The following C3orf70 variants were observed in gnomAD, a reference collection of about 807,000 sequenced individuals.
C3orf70 encodes the protein UPF0524 protein C3orf70.
In C3orf70, 15 loss-of-function variants were observed where a neutral mutation model predicts 20.7. The observed-to-expected ratio is 0.72, with a 90% CI of 0.48 to 1.11. The LOEUF (loss-of-function observed/expected upper bound fraction) is 1.11, where lower values mean the gene tolerates loss of function less well. C3orf70 is among the 50% of genes most tolerant of loss of function. The pLI, the probability that C3orf70 is intolerant of heterozygous loss-of-function variation, is 0.00. For missense variants in C3orf70, 332 were observed against 317.6 expected (o/e 1.05, Z -0.34); for synonymous variants, 161 against 125.7 (o/e 1.28, Z -1.88).
chr3:185,091,902 CACACACAT>C lies in C3orf70; in HGVS notation c.197-8347_197-8340del, dbSNP rs1433738561. Among the ~76,000 whole-genome samples the C allele has an allele frequency of 4.6e-4, 41 of 89,540 alleles. 1 individual carries two copies. Among genetic ancestry groups the C allele is most frequent in the Middle Eastern group, 6.8e-3 (1 of 146 alleles). The allele number at this position is 89,540 out of a possible 152,430, so 58.7% of individuals were successfully genotyped here. A position where few individuals can be genotyped will look rare whatever the true frequency, so the allele number is the denominator to read the frequency against. On this transcript the variant is annotated intron_variant, in intron 1 of 1. Transcript: ENST00000335012. ...TATAATATATATACACACATACACA[CACACACAT>C]ACATATATATATATATATATATATA... is the stretch of plus-strand genomic sequence containing the variant.
At chr3:185,145,349 C>T (rs141081052) in intron 1 of C3orf70, among the ~76,000 whole-genome samples, 1 of 152,342 alleles carries the variant, frequency 6.6e-6, no homozygotes, top group African/African-American at 2.4e-5. Context: ...ATTCTAAAAA[C>T]GGCTTGTGCC....
intron 1 of C3orf70, among the ~76,000 whole-genome samples, chr3:185,099,149 A>G (rs935467410): frequency 1.3e-5 from 2 of 152,210 alleles, no homozygotes; most frequent in Admixed American, 6.5e-5. Flanking sequence ...CATGGAAAAC[A>G]TAATTCAGGA....
chr3:185,134,703 T>G (rs2108603647), intron 1 of C3orf70, among the ~76,000 whole-genome samples: 1 of 152,300 alleles, frequency 6.6e-6, no homozygotes, highest in African/African-American at 2.4e-5. Context: ...TTGTGTACTT[T>G]ACCCCAGCCA....
intron 1 of C3orf70, among the ~76,000 whole-genome samples, chr3:185,087,338 T>C (rs1394067072): frequency 6.6e-6 from 1 of 152,158 alleles, no homozygotes; most frequent in Non-Finnish European, 1.5e-5. Flanking sequence ...CCCAAAAGAA[T>C]GGAAAGCAGA....
At chr3:185,119,620 T>C (rs1277320761) in intron 1 of C3orf70, among the ~76,000 whole-genome samples, 1 of 152,184 alleles carries the variant, frequency 6.6e-6, no homozygotes, top group African/African-American at 2.4e-5. Flanking sequence ...AAAGCTTATG[T>C]TGGTCTTTCA....
intron 1 of C3orf70, among the ~76,000 whole-genome samples, chr3:185,107,166 C>T (rs955257116): frequency 1.3e-5 from 2 of 152,304 alleles, no homozygotes; most frequent in East Asian, 1.9e-4. Flanking sequence ...ATAGCACTGG[C>T]CGTCCACGTG....
intron 1 of C3orf70, among the ~76,000 whole-genome samples, chr3:185,102,105 T>C (rs912326477): frequency 1.8e-4 from 27 of 152,100 alleles, no homozygotes; most frequent in African/African-American, 6.5e-4. Context: ...AGGGCATCCA[T>C]ACAGGAAGAG....
At chr3:185,099,897 G>T (rs746522820) in intron 1 of C3orf70, among the ~76,000 whole-genome samples, 18 of 152,140 alleles carry the variant, frequency 1.2e-4, no homozygotes, top group Non-Finnish European at 2.2e-4. Flanking sequence ...AACAGAAAAA[G>T]CAGGGGATGC....
intron 1 of C3orf70, among the ~76,000 whole-genome samples, chr3:185,096,445 A>G (rs1277875404): frequency 6.6e-6 from 1 of 152,184 alleles, no homozygotes; most frequent in East Asian, 1.9e-4. Context: ...TAAACAGTAA[A>G]GAGAAAAAAG....
intron 1 of C3orf70, 63 bp from the exon 2 acceptor site, chr3:185,083,626 A>C: frequency 3.6e-6 from 5 of 1,373,528 alleles, no homozygotes; most frequent in Non-Finnish European, 4.9e-6. Context: ...CATGGCCATA[A>C]TGGTTTCTGA....
chr3:185,129,283 T>C (rs1025750228), intron 1 of C3orf70, among the ~76,000 whole-genome samples: 1 of 152,182 alleles, frequency 6.6e-6, no homozygotes, highest in Non-Finnish European at 1.5e-5. Context: ...TGTCCATGTG[T>C]TTGCATTGTT....
At chr3:185,123,699 CTGT>C (rs372052446) in intron 1 of C3orf70, among the ~76,000 whole-genome samples, 8 of 151,978 alleles carry the variant, frequency 5.3e-5, no homozygotes, top group East Asian at 1.9e-4. Context: ...ACATATGTGA[CTGT>C]TGTTACTATA....
intron 1 of C3orf70, among the ~76,000 whole-genome samples, chr3:185,102,741 A>G (rs1715846189): frequency 6.6e-6 from 1 of 152,206 alleles, no homozygotes; most frequent in African/African-American, 2.4e-5. Context: ...TAGAGCCCCA[A>G]AATAAGGCCA....
chr3:185,079,096 AC>A lies in C3orf70; in HGVS notation c.*3910del, dbSNP rs1397137945. On this transcript the variant is annotated 3_prime_UTR_variant, in exon 2 of 2. Coordinates refer to ENST00000335012, the MANE Select transcript of C3orf70 (RefSeq NM_001025266.3). ...TGAGATCAAGACCATCCTGGCTAAC[AC>A]GGTGAAACCCCGTTTCTACTAAAAA... is the stretch of plus-strand genomic sequence containing the variant. The A allele has an allele frequency of 1.3e-5, 2 of 152,060 alleles. No homozygotes were observed. Among genetic ancestry groups the A allele is most frequent in the Non-Finnish European group, 2.9e-5 (2 of 68,044 alleles). 9.4% of individuals were successfully genotyped at this position (152,060 alleles called of 1,614,324 possible). A position where few individuals can be genotyped will look rare whatever the true frequency, so the allele number is the denominator to read the frequency against.
At chr3:185,128,021 T>C (rs1319211398) in intron 1 of C3orf70, among the ~76,000 whole-genome samples, 1 of 152,192 alleles carries the variant, frequency 6.6e-6, no homozygotes, top group Non-Finnish European at 1.5e-5. Flanking sequence ...AAGCAGAAAC[T>C]AATTTTCAAA....
chr3:185,102,262 C>T lies in C3orf70; in HGVS notation c.197-18699G>A, dbSNP rs182856144. Among the ~76,000 whole-genome samples the T allele has an allele frequency of 3.2e-3, 492 of 152,230 alleles. 13 individuals are homozygous for T. The highest frequency in any genetic ancestry group is 0.03 in the Admixed American group (462 of 15,284). On this transcript the variant is annotated intron_variant, in intron 1 of 1. Coordinates refer to ENST00000335012, the MANE Select transcript of C3orf70 (RefSeq NM_001025266.3). ...CAATGTACAGAAATGATTAGCATTC[C>T]TATATACCAAAAACAGGCCAACAGC...
At chr3:185,108,515 A>G (rs1715994208) in intron 1 of C3orf70, among the ~76,000 whole-genome samples, 1 of 152,250 alleles carries the variant, frequency 6.6e-6, no homozygotes, top group Non-Finnish European at 1.5e-5. Context: ...CCCTTTTTAC[A>G]TCACTCACAT....
chr3:185,088,821 C>A (rs1202185530), intron 1 of C3orf70, among the ~76,000 whole-genome samples: 2 of 152,076 alleles, frequency 1.3e-5, no homozygotes, highest in African/African-American at 4.8e-5. Flanking sequence ...GTGGTGTTTG[C>A]CAAACTGATT....
At chr3:185,135,854 T>C (rs1002687160) in intron 1 of C3orf70, among the ~76,000 whole-genome samples, 2 of 148,080 alleles carry the variant, frequency 1.4e-5, no homozygotes, top group Non-Finnish European at 3.0e-5. Context: ...TAATTCAAAA[T>C]GGAATTCAAA....
Sources: allele counts gnomAD v4.1 joint callset (sites outside exome capture counted in the v4.1 genomes callset), GRCh38; gene constraint gnomAD v4.1.1; transcripts MANE v1.5; gene names NCBI Gene and HGNC (gene_info 2026-07-23, HGNC 2026-07-21).